The following GLRA2 variants were observed in gnomAD, a reference collection of about 807,000 sequenced individuals.
GLRA2 encodes the protein glycine receptor alpha 2.
GLRA2 carries 11 observed loss-of-function variants against 31.6 expected under a neutral mutation model. The observed-to-expected ratio is 0.35, with a 90% confidence interval of 0.22 to 0.58. The LOEUF (loss-of-function observed/expected upper bound fraction) is 0.58. Ranked by LOEUF, GLRA2 falls within the 20% of genes least tolerant of loss-of-function variation. The pLI is 0.84. For synonymous variants in GLRA2, 132 were observed against 134.0 expected (o/e 0.99, Z 0.10); for missense variants, 212 against 351.8 (o/e 0.60, Z 3.18).
intron 7 of GLRA2, among the ~76,000 whole-genome samples, chrX:14,666,211 TG>T (rs2091037294): frequency 8.9e-6 from 1 of 111,964 alleles, no homozygotes; most frequent in Admixed American, 9.5e-5. Flanking sequence ...CAAATGTTTA[TG>T]GTAAAAATCA....
chrX:14,476,739 G>C, the GLRA2 span, among the ~76,000 whole-genome samples: 1 of 112,175 alleles, frequency 8.9e-6, no homozygotes, highest in Non-Finnish European at 1.9e-5. Context: ...ATTGGACAAC[G>C]TAGCAAGTTG....
At chrX:14,612,498 C>A (rs1363574268) in intron 7 of GLRA2, among the ~76,000 whole-genome samples, 1 of 111,487 alleles carries the variant, frequency 9.0e-6, no homozygotes, top group Non-Finnish European at 1.9e-5. Context: ...GATTATAAAT[C>A]ATTCTATGAT....
chrX:14,673,832 T>C (rs2091117611), intron 7 of GLRA2, among the ~76,000 whole-genome samples: 1 of 112,576 alleles, frequency 8.9e-6, no homozygotes, highest in African/African-American at 3.2e-5. Context: ...CTGCCATCTA[T>C]GAACACTTAT....
At chrX:14,695,181 G>T (rs1159610204) in intron 8 of GLRA2, among the ~76,000 whole-genome samples, 1 of 111,073 alleles carries the variant, frequency 9.0e-6, no homozygotes, top group East Asian at 2.8e-4. Context: ...CTCTGAGAAT[G>T]GAGCATTCCA....
At chrX:14,468,264 CTGAG>C in the GLRA2 span, among the ~76,000 whole-genome samples, 1 of 112,366 alleles carries the variant, frequency 8.9e-6, no homozygotes, top group East Asian at 2.8e-4. Flanking sequence ...AGCAACAGCT[CTGAG>C]TAAGTTTCAT....
At chrX:14,699,889 A>C (rs948480661) in intron 8 of GLRA2, among the ~76,000 whole-genome samples, 5 of 111,948 alleles carry the variant, frequency 4.5e-5, no homozygotes, top group Non-Finnish European at 9.4e-5. Context: ...CAGAAAACCA[A>C]ATACCACTCA....
chrX:14,539,381 T>C (rs982828946), intron 2 of GLRA2, among the ~76,000 whole-genome samples: 1 of 111,589 alleles, frequency 9.0e-6, no homozygotes, highest in Non-Finnish European at 1.9e-5. Flanking sequence ...GTTTGCTCAT[T>C]GATTTCTTTC....
chrX:14,559,014 G>A (rs928086926), intron 2 of GLRA2, among the ~76,000 whole-genome samples: 1 of 110,544 alleles, frequency 9.0e-6, no homozygotes, highest in Non-Finnish European at 1.9e-5. Flanking sequence ...TAGTAGAGAC[G>A]GGGTTTCGCC....
rs1344670955 is a variant in GLRA2 at position 14,690,949 on chromosome X, A to G, written c.1080+90A>G. ...GAAAACAGAAGAGCACACAATAAGCAAGAAGCCAAGGTTAATTTTTGTTCT... is the reference window on the plus strand; with the variant it reads ...GAAAACAGAAGAGCACACAATAAGCGAGAAGCCAAGGTTAATTTTTGTTCT... On this transcript the variant is annotated intron_variant, in intron 8 of 8. Transcript: ENST00000218075. The G allele has an allele frequency of 6.2e-6, 6 of 963,095 alleles. No homozygotes were observed. The East Asian group carries it at 1.9e-4, about 30-fold the overall frequency. 79.4% of individuals were successfully genotyped at this position (963,095 alleles called of 1,213,427 possible).
intron 5 of GLRA2, among the ~76,000 whole-genome samples, chrX:14,605,432 T>C (rs778952800): frequency 5.4e-5 from 6 of 111,710 alleles, no homozygotes; most frequent in Non-Finnish European, 9.4e-5. Flanking sequence ...ATTTCTGATT[T>C]AAAATAGGCC....
intron 2 of GLRA2, among the ~76,000 whole-genome samples, chrX:14,552,021 T>C (rs2089572661): frequency 8.9e-6 from 1 of 112,369 alleles, no homozygotes; most frequent in South Asian, 3.7e-4. Flanking sequence ...GTTAACTTTG[T>C]AGTAAGGTAC....
At chrX:14,682,707 C>G (rs1167185257) in intron 7 of GLRA2, among the ~76,000 whole-genome samples, 1 of 92,001 alleles carries the variant, frequency 1.1e-5, no homozygotes. Flanking sequence ...CCCCTCCCCC[C>G]ACCCCACGAC....
At chrX:14,534,690 C>T (rs755530026) in intron 2 of GLRA2, among the ~76,000 whole-genome samples, 5 of 108,683 alleles carry the variant, frequency 4.6e-5, no homozygotes, top group African/African-American at 1.7e-4. Flanking sequence ...TGATCCTTTT[C>T]TCCAGGATAA....
At chrX:14,654,130 GAAACA>G (rs1021254117) in intron 7 of GLRA2, among the ~76,000 whole-genome samples, 6 of 110,732 alleles carry the variant, frequency 5.4e-5, no homozygotes, top group Non-Finnish European at 7.6e-5. Context: ...GTCTCTTAAA[GAAACA>G]AAACAAAACA....
At chrX:14,589,662 C>A (rs1003983835) in intron 4 of GLRA2, among the ~76,000 whole-genome samples, 20 of 95,556 alleles carry the variant, frequency 2.1e-4, no homozygotes, top group Non-Finnish European at 1.5e-4. Flanking sequence ...CAGAGCGAGA[C>A]TCTATCTCAA....
intron 7 of GLRA2, among the ~76,000 whole-genome samples, chrX:14,616,999 C>A (rs2090461616): frequency 9.0e-6 from 1 of 111,306 alleles, no homozygotes; most frequent in South Asian, 3.8e-4. Context: ...AGAGATGACA[C>A]GTGAGAATTC....
chrX:14,625,049 G>A (rs900405623), intron 7 of GLRA2, among the ~76,000 whole-genome samples: 28 of 111,826 alleles, frequency 2.5e-4, no homozygotes, highest in Admixed American at 1.9e-4. Flanking sequence ...TTGGCTGCAT[G>A]TATCATTAGG....
rs1259429964 is a variant in GLRA2, at chrX:14,667,484, T to C, written c.931-23226T>C. Among the ~76,000 whole-genome samples, 66 of 111,884 alleles carry C rather than the reference T, an allele frequency of 5.9e-4. 2 individuals carry two copies. Among genetic ancestry groups the C allele is most frequent in the South Asian group, 3.7e-4 (1 of 2,697 alleles). On this transcript the variant is annotated intron_variant, in intron 7 of 8. Coordinates refer to ENST00000218075, the MANE Select transcript of GLRA2 (RefSeq NM_002063.4). ...ATTAAACTGTATTTGCAAAAGCAAG[T>C]AGCAGAACAGATTTAACTGATGGAC...
chrX:14,502,266 A>T, the GLRA2 span, among the ~76,000 whole-genome samples: 26 of 111,963 alleles, frequency 2.3e-4, no homozygotes, highest in Admixed American at 4.7e-4. Flanking sequence ...TATTTGCCTC[A>T]CAGAACTGTT....
Sources: allele counts gnomAD v4.1 joint callset (sites outside exome capture counted in the v4.1 genomes callset), GRCh38; gene constraint gnomAD v4.1.1; transcripts MANE v1.5; gene names NCBI Gene and HGNC (gene_info 2026-07-23, HGNC 2026-07-21).